NTHL1: variants seen among roughly 807,000 people sequenced by gnomAD.
NTHL1 encodes nth like DNA glycosylase 1.
A neutral mutation model predicts 32.3 loss-of-function variants in NTHL1; 32 were observed. The observed-to-expected ratio is 0.99, with a 90% confidence interval of 0.75 to 1.33. The LOEUF (loss-of-function observed/expected upper bound fraction) is 1.33. Ranked by LOEUF, NTHL1 falls within the 40% of genes most tolerant of loss-of-function variation. The pLI is 0.00. For synonymous variants in NTHL1, 188 were observed against 176.9 expected (o/e 1.06, Z -0.50); for missense variants, 501 against 414.1 (o/e 1.21, Z -1.82).
intron 4 of NTHL1, among the ~76,000 whole-genome samples, chr16:2,041,393 A>C (rs1275301341): frequency 2.6e-5 from 4 of 151,808 alleles, no homozygotes; most frequent in Non-Finnish European, 4.4e-5. Context: ...AGAGTCACCC[A>C]GCCAGGAGGT....
At chr16:2,045,396 TA>T (rs1407805207) in intron 2 of NTHL1, among the ~76,000 whole-genome samples, 16 of 152,256 alleles carry the variant, frequency 1.1e-4, no homozygotes, top group Middle Eastern at 3.4e-3. Context: ...CATTGGCCAC[TA>T]CTATTATGAT....
Position 2,040,050 on chromosome 16 carries a change from G to T in NTHL1, c.792-3C>A, listed in dbSNP as rs3087467. 1.2e-6 allele frequency: 2 copies of T among 1,612,440 alleles called. No individual in the cohort carries two copies. Among genetic ancestry groups the T allele is most frequent in the Non-Finnish European group, 1.7e-6 (2 of 1,180,024 alleles). ...CATTGATCTCGTGCCACAGCTCCCT[G>T]TGGGGGTGGGGGCTGGGTCAGTGCT... is the stretch of plus-strand genomic sequence containing the variant. On this transcript the variant is annotated splice_region_variant and splice_polypyrimidine_tract_variant and intron_variant, in intron 5 of 5. Coordinates refer to ENST00000651570, the MANE Select transcript of NTHL1 (RefSeq NM_002528.7).
intron 4 of NTHL1, chr16:2,042,191 G>A (rs1325922510): frequency 2.1e-5 from 9 of 435,258 alleles, no homozygotes; most frequent in Admixed American, 1.5e-4. Flanking sequence ...TGTGCCCGCT[G>A]CTCCCAAAGC....
Position 2,040,228 on chromosome 16 carries a change from C to A in NTHL1, c.696G>T (p.Thr232=), listed in dbSNP as rs560239348. The part of the protein sequence containing the change: ...WGTVSGIAVD[T]HVHRIANRLR... Reference sequence around the variant, plus strand: ...GCCTGTTGGCGATTCTGTGCACATGCGTGTCCACTGCTGCTGGGAGGCCAA... The same window carrying A: ...GCCTGTTGGCGATTCTGTGCACATGAGTGTCCACTGCTGCTGGGAGGCCAA... The change falls in exon 5 of 6, where the codon ACG becomes ACT. Residue 232 remains threonine, a synonymous_variant. Transcript: ENST00000651570. The A allele has an allele frequency of 6.2e-7, 1 of 1,613,608 alleles. No homozygotes were observed. Among genetic ancestry groups the A allele is most frequent in the Non-Finnish European group, 8.5e-7 (1 of 1,180,014 alleles).
chr16:2,044,492 T>TG lies in NTHL1; in HGVS notation c.525+137dup, dbSNP rs1022674464. 2.1e-3 allele frequency: 2,268 copies of TG among 1,088,752 alleles called. 3 individuals are homozygous for TG. The highest frequency in any genetic ancestry group is 3.5e-3 in the Middle Eastern group (12 of 3,384). The allele number at this position is 1,088,752 out of a possible 1,614,324, so 67.4% of individuals were successfully genotyped here. On this transcript the variant is annotated intron_variant, in intron 3 of 5. Coordinates refer to ENST00000651570, the MANE Select transcript of NTHL1 (RefSeq NM_002528.7). The surrounding 1 kb of genome is among the most constrained non-coding windows in gnomAD (Gnocchi z 5.0). ...CGTCAGGCCTCAGGGCCCCACGGCC[T>TG]GGGGGGGGCTTCAGGGGGACCCCCC...
chr16:2,040,590 C>G (rs999692965), intron 4 of NTHL1: 5 of 419,106 alleles, frequency 1.2e-5, no homozygotes, highest in African/African-American at 1.0e-4. Context: ...GCTTGGAGCT[C>G]TATTCCCCAC....
intron 4 of NTHL1, chr16:2,042,282 A>T: frequency 2.8e-6 from 1 of 354,518 alleles, no homozygotes; most frequent in South Asian, 2.1e-5. Flanking sequence ...GGACACGGGC[A>T]GCTGAGGACA....
rs2084313197 is a variant in NTHL1 at position 2,044,474 on chromosome 16, C to T, written c.525+156G>A. On this transcript the variant is annotated intron_variant, in intron 3 of 5. Transcript: ENST00000651570. This position sits in a 1 kb window ranked among gnomAD's most constrained non-coding sequence, Gnocchi z 5.0. The stretch of plus-strand genomic sequence containing the variant: ...GGAGCTGCTGGGACTGGGCGTCAGG[C>T]CTCAGGGCCCCACGGCCTGGGGGGG... 6.6e-6 allele frequency among the ~76,000 whole-genome samples: 1 copy of T among 152,158 alleles called. No homozygotes were observed. The highest frequency in any genetic ancestry group is 2.1e-4 in the South Asian group (1 of 4,834).
At chr16:2,047,552 C>G (rs2084497800) in intron 1 of NTHL1, 157 bp downstream of exon 1, 1 of 1,247,644 alleles carries the variant, frequency 8.0e-7, no homozygotes. Context: ...GAAAAAGGCG[C>G]AAGGTGGGAA....
In NTHL1 at chr16:2,043,687, G is replaced by T; in HGVS notation, c.565C>A (p.Gln189Lys). ...GGGATGTCCCCACCGTAGTGCTGCTGCAGGATGGCGCTGGTCTGCTTGATG... is the reference window on the plus strand; with the variant it reads ...GGGATGTCCCCACCGTAGTGCTGCTTCAGGATGGCGCTGGTCTGCTTGATG... ...KYIKQTSAILQQHYGGDIPAS... is the reference protein window; with the variant it reads ...KYIKQTSAILKQHYGGDIPAS... The change falls in exon 4 of 6, where the codon CAG (glutamine) becomes AAG (lysine). Residue 189 changes from glutamine to lysine, a missense_variant. By Grantham distance (53) the Gln-to-Lys change is moderately conservative (BLOSUM62 1). Coordinates refer to ENST00000651570, the MANE Select transcript of NTHL1 (RefSeq NM_002528.7). This position sits in a 1 kb window ranked among gnomAD's most constrained non-coding sequence, Gnocchi z 4.4. 1.2e-6 allele frequency: 2 copies of T among 1,612,190 alleles called. No individual in the cohort carries two copies. Among genetic ancestry groups the T allele is most frequent in the South Asian group, 2.2e-5 (2 of 91,092 alleles).
At chr16:2,046,435 C>G (rs533779168) in intron 1 of NTHL1, 69 bp from the exon 2 acceptor site, 1 of 1,398,740 alleles carries the variant, frequency 7.1e-7, no homozygotes, top group Non-Finnish European at 9.9e-7. Flanking sequence ...TGCCATCCCG[C>G]CTGCTAGCTC....
intron 1 of NTHL1, chr16:2,047,199 A>T (rs2084459874): frequency 6.3e-6 from 1 of 159,650 alleles, no homozygotes; most frequent in African/African-American, 2.4e-5. Flanking sequence ...ACTAGCGCAG[A>T]GGCCCTGTCC....
chr16:2,047,637 A>G (rs1180931833), intron 1 of NTHL1, 72 bp downstream of exon 1: 2 of 1,508,432 alleles, frequency 1.3e-6, no homozygotes, highest in African/African-American at 1.4e-5. Flanking sequence ...GAGCCGCAGG[A>G]GGCGGCCCGG....
At position 2,039,884 on chromosome 16, in the gene NTHL1, C is replaced by T. The variant is rs1012759206; in HGVS notation, c.*40G>A. On this transcript the variant is annotated 3_prime_UTR_variant, in exon 6 of 6. Transcript: ENST00000651570. The stretch of plus-strand genomic sequence containing the variant: ...CTGAAGCGTAAAGCCACTTCACAGA[C>T]GGTGGCCACAGCGGCACCTCGGCCA... The T allele has an allele frequency of 8.8e-6, 14 of 1,597,724 alleles. No homozygotes were observed. The highest frequency in any genetic ancestry group is 4.5e-5 in the East Asian group (2 of 44,854).
intron 4 of NTHL1, chr16:2,042,093 A>AC: frequency 2.2e-6 from 1 of 455,774 alleles, no homozygotes; most frequent in African/African-American, 2.0e-5. Context: ...CTTTCGGGGA[A>AC]CCCCTAGGAG....
In NTHL1 at chr16:2,044,041, T is replaced by G. The variant is rs899259772; in HGVS notation, c.526-315A>C. ...GCCAGCCGCTCCCAGGAGTGGGGCT[T>G]GGCTGCACCTGCGCCTTCAGGAAGG... On this transcript the variant is annotated intron_variant, in intron 3 of 5. Coordinates refer to ENST00000651570, the MANE Select transcript of NTHL1 (RefSeq NM_002528.7). The surrounding 1 kb of genome is among the most constrained non-coding windows in gnomAD (Gnocchi z 5.0). The G allele has an allele frequency of 1.4e-5, 6 of 436,830 alleles. No homozygotes were observed. The highest frequency in any genetic ancestry group is 1.2e-4 in the African/African-American group (6 of 50,220). The allele number at this position is 436,830 out of a possible 1,614,324, so 27.1% of individuals were successfully genotyped here. A position where few individuals can be genotyped will look rare whatever the true frequency, so the allele number is the denominator to read the frequency against.
rs752395301 is a variant in NTHL1 at position 2,046,344 on chromosome 16, G to A, written c.138C>T (p.Pro46=). The change falls in exon 2 of 6, where the codon CCC becomes CCT. Residue 46 remains proline (P), a synonymous_variant. Transcript: ENST00000651570. ...TCTGTGCTTTCCGCGGACGCTTCAC[G>A]GGGCTGTGGCTTTTCCTCGCTTCTG... is the stretch of plus-strand genomic sequence containing the variant. The part of the protein sequence containing the change: ...AAAEARKSHS[P]VKRPRKAQRL... The A allele has an allele frequency of 3.2e-5, 52 of 1,607,062 alleles. No homozygotes were observed. Among genetic ancestry groups the A allele is most frequent in the South Asian group, 2.9e-4 (26 of 91,018 alleles).
chr16:2,044,654 G>A lies in NTHL1; in HGVS notation c.501C>T (p.Leu167=), dbSNP rs2084316627. 1 of 1,608,010 alleles carries A rather than the reference G, an allele frequency of 6.2e-7. No homozygotes were observed. Among genetic ancestry groups the A allele is most frequent in the African/African-American group, 1.3e-5 (1 of 74,936 alleles). Residue 167 remains leucine, a synonymous_variant, in exon 3 of 6, where the codon CTC becomes CTT. Coordinates refer to ENST00000651570, the MANE Select transcript of NTHL1 (RefSeq NM_002528.7). This position sits in a 1 kb window ranked among gnomAD's most constrained non-coding sequence, Gnocchi z 5.0. ...CCCTCCAGAAACCGACGGGGTAGAT[G>A]AGCTTGCCCAGCGTGGCATCATCTG... The part of the protein sequence containing the change: ...LQTDDATLGK[L]IYPVGFWRSK...
Position 2,047,770 on chromosome 16 carries a change from C to G in NTHL1, c.54G>C (p.Gly18=), listed in dbSNP as rs967224859. 2 of 1,587,986 alleles carry G rather than the reference C, an allele frequency of 1.3e-6. No individual in the cohort carries two copies. Among genetic ancestry groups the G allele is most frequent in the African/African-American group, 2.7e-5 (2 of 74,530 alleles). ...CCTCCCTACACCCCCGCGGCCCAGC[C>G]CCGGGTCCCAGGCTCCGGCTCCGGG... ...MLTRSRSLGP[G]AGPRGCREEP... Residue 18 remains glycine (G), a synonymous_variant, in exon 1 of 6, where the codon GGG becomes GGC. Transcript: ENST00000651570.
Sources: allele counts gnomAD v4.1 joint callset (sites outside exome capture counted in the v4.1 genomes callset), GRCh38; gene constraint gnomAD v4.1.1; non-coding constraint Gnocchi (gnomAD v3.1); transcripts MANE v1.5; gene names NCBI Gene and HGNC (gene_info 2026-07-23, HGNC 2026-07-21).